Variants in MB21D2 observed in about 807,000 individuals in gnomAD.
MB21D2 encodes the protein Mab-21 domain containing 2.
In MB21D2, 9 loss-of-function variants were observed where a neutral mutation model predicts 33.3. That is an observed-to-expected ratio of 0.27 (90% CI 0.16 to 0.47). The LOEUF (loss-of-function observed/expected upper bound fraction) is 0.47. Among genes scored for constraint, MB21D2 ranks in the 20% least tolerant of loss-of-function variants. The pLI, the probability that MB21D2 is intolerant of heterozygous loss-of-function variation, is 0.99. For synonymous variants in MB21D2, 241 were observed against 236.3 expected, an observed-to-expected ratio of 1.02 and a Z score of -0.18; for missense variants, 540 against 624.6, an observed-to-expected ratio of 0.86 and a Z score of 1.44.
At chr3:192,817,403 A>C (rs1373288323) in intron 1 of MB21D2, among the ~76,000 whole-genome samples, 2 of 152,048 alleles carry the variant, frequency 1.3e-5, no homozygotes, top group African/African-American at 4.8e-5. Context: ...TAGATAGGAG[A>C]GAGGGAAGGA....
chr3:192,807,606 T>C (rs1316137776), intron 1 of MB21D2, among the ~76,000 whole-genome samples: 2 of 152,086 alleles, frequency 1.3e-5, no homozygotes, highest in Admixed American at 6.6e-5. Context: ...CTGTGTTTAA[T>C]TGGGGAGGAG....
chr3:192,901,608 A>G (rs1714104208), intron 1 of MB21D2, among the ~76,000 whole-genome samples: 1 of 152,158 alleles, frequency 6.6e-6, no homozygotes, highest in Non-Finnish European at 1.5e-5. Context: ...AAGTCAAGGT[A>G]CAAACATATG....
chr3:192,907,569 G>A (rs903690957), intron 1 of MB21D2, among the ~76,000 whole-genome samples: 4 of 152,096 alleles, frequency 2.6e-5, no homozygotes, highest in African/African-American at 7.2e-5. Flanking sequence ...TCACCTCCCA[G>A]AGTCTCAGTA....
At chr3:192,898,896 T>C (rs748084005) in intron 1 of MB21D2, among the ~76,000 whole-genome samples, 6 of 152,114 alleles carry the variant, frequency 3.9e-5, no homozygotes, top group Admixed American at 1.3e-4. Context: ...TTAAGTGGGA[T>C]GAGAGAGATG....
chr3:192,823,974 G>C (rs1437685793), intron 1 of MB21D2, among the ~76,000 whole-genome samples: 1 of 152,112 alleles, frequency 6.6e-6, no homozygotes, highest in Non-Finnish European at 1.5e-5. Context: ...TGCATTTCAG[G>C]AACTTGTTTT....
chr3:192,828,740 C>G (rs1222900696), intron 1 of MB21D2, among the ~76,000 whole-genome samples: 1 of 147,954 alleles, frequency 6.8e-6, no homozygotes, highest in Non-Finnish European at 1.5e-5. Context: ...GCTGCGCCTC[C>G]CAGGTTCATG....
chr3:192,869,575 C>G (rs1051449001), intron 1 of MB21D2, among the ~76,000 whole-genome samples: 5 of 152,170 alleles, frequency 3.3e-5, no homozygotes, highest in African/African-American at 1.2e-4. Context: ...GCTCTAGTCA[C>G]AGTTGGGTTT....
chr3:192,898,444 T>G, intron 1 of MB21D2, among the ~76,000 whole-genome samples: 1 of 152,144 alleles, frequency 6.6e-6, no homozygotes, highest in East Asian at 1.9e-4. Flanking sequence ...AGTCTTATAA[T>G]TTCATGATTA....
rs34472117 is a variant in MB21D2, at chr3:192,830,241, A to AGTGTGTGT, written c.212-30599_212-30592dup. ...AATGCTTCAAAGATGAGTGTGTGTG[A>AGTGTGTGT]GTGTGTGTGTGTGTGTGTGTGTGTG... On this transcript the variant is annotated intron_variant, in intron 1 of 1. Transcript: ENST00000392452. 2.1e-4 allele frequency among the ~76,000 whole-genome samples: 31 copies of AGTGTGTGT among 146,470 alleles called. 1 individual carries two copies. Among genetic ancestry groups the AGTGTGTGT allele is most frequent in the Admixed American group, 1.6e-3 (24 of 14,864 alleles).
At chr3:192,870,706 A>AAAAAAAAAG in intron 1 of MB21D2, among the ~76,000 whole-genome samples, 1 of 139,132 alleles carries the variant, frequency 7.2e-6, no homozygotes, top group Non-Finnish European at 1.5e-5. Context: ...GTTGAAAAAA[A>AAAAAAAAAG]AAAAAAAAAA....
chr3:192,841,035 T>C (rs886415484), intron 1 of MB21D2, among the ~76,000 whole-genome samples: 2 of 152,232 alleles, frequency 1.3e-5, no homozygotes, highest in African/African-American at 2.4e-5. Context: ...TGTCACATAG[T>C]AGTTGACTGA....
At chr3:192,830,243 T>A (rs368789336) in intron 1 of MB21D2, among the ~76,000 whole-genome samples, 5 of 34,536 alleles carry the variant, frequency 1.4e-4, no homozygotes, top group Admixed American at 4.9e-4. Flanking sequence ...TGTGTGTGAG[T>A]GTGTGTGTGT....
Position 192,799,754 on chromosome 3 carries a change from T to C in MB21D2, c.212-104A>G, listed in dbSNP as rs1197119696. The C allele has an allele frequency of 4.1e-6, 5 of 1,224,256 alleles. No individual in the cohort carries two copies. The highest frequency in any genetic ancestry group is 2.5e-5 in the East Asian group (1 of 39,334). 75.8% of individuals were successfully genotyped at this position (1,224,256 alleles called of 1,614,324 possible). On this transcript the variant is annotated intron_variant, in intron 1 of 1. Coordinates refer to ENST00000392452, the MANE Select transcript of MB21D2 (RefSeq NM_178496.4). This position sits in a 1 kb window ranked among gnomAD's most constrained non-coding sequence, Gnocchi z 4.1. ...TGATGTTCCAAGAACCAAAACTCAT[T>C]ATCAGTACTAAATCAAATCTCAGGC...
At chr3:192,800,300 A>AATT (rs1711528255) in intron 1 of MB21D2, among the ~76,000 whole-genome samples, 1 of 151,986 alleles carries the variant, frequency 6.6e-6, no homozygotes, top group Non-Finnish European at 1.5e-5. Context: ...GCTGGTCTAA[A>AATT]ATTCCTGGCC....
At chr3:192,899,326 C>G (rs749887608) in intron 1 of MB21D2, among the ~76,000 whole-genome samples, 1 of 151,962 alleles carries the variant, frequency 6.6e-6, no homozygotes, top group South Asian at 2.1e-4. Context: ...GTCAGGAGTT[C>G]GAGACCAGCC....
At chr3:192,901,687 A>G (rs1014782201) in intron 1 of MB21D2, among the ~76,000 whole-genome samples, 2 of 152,224 alleles carry the variant, frequency 1.3e-5, no homozygotes, top group East Asian at 1.9e-4. Context: ...TTTAGTCACT[A>G]TAAGGGTCAC....
At chr3:192,818,271 C>T (rs7614503) in intron 1 of MB21D2, among the ~76,000 whole-genome samples, 30,363 of 152,046 alleles carry the variant, frequency 0.2, 5,332 homozygotes, top group African/African-American at 0.48. Context: ...GTTTAGGCCA[C>T]TGATATCTAG....
intron 1 of MB21D2, among the ~76,000 whole-genome samples, chr3:192,847,816 A>G (rs879663538): frequency 1.7e-4 from 26 of 152,214 alleles, no homozygotes; most frequent in Admixed American, 4.6e-4. Flanking sequence ...CATGATCTGA[A>G]AAACAAACAG....
chr3:192,819,571 T>C (rs1397685468), intron 1 of MB21D2, among the ~76,000 whole-genome samples: 3 of 152,176 alleles, frequency 2.0e-5, no homozygotes, highest in Admixed American at 6.5e-5. Context: ...AAGAGTCCTA[T>C]AGTTTTAAAA....
Sources: allele counts gnomAD v4.1 joint callset (sites outside exome capture counted in the v4.1 genomes callset), GRCh38; gene constraint gnomAD v4.1.1; non-coding constraint Gnocchi (gnomAD v3.1); transcripts MANE v1.5; gene names NCBI Gene and HGNC (gene_info 2026-07-23, HGNC 2026-07-21).